MAP2K6: variants seen among roughly 807,000 people sequenced by gnomAD.
MAP2K6 encodes mitogen-activated protein kinase kinase 6, also known as dual specificity mitogen-activated protein kinase kinase 6.
A neutral mutation model predicts 53.7 loss-of-function variants in MAP2K6; 16 were observed. That is an observed-to-expected ratio of 0.30 (90% CI 0.20 to 0.45). MAP2K6 has a LOEUF of 0.45. MAP2K6 is among the 20% of genes least tolerant of loss of function. MAP2K6 has a pLI of 1.00. For missense variants in MAP2K6, 204 were observed against 411.9 expected (o/e 0.50, Z 4.37); for synonymous variants, 132 against 143.1 (o/e 0.92, Z 0.55).
intron 1 of MAP2K6, among the ~76,000 whole-genome samples, chr17:69,496,571 G>A (rs1178947408): frequency 3.9e-5 from 6 of 152,236 alleles, no homozygotes; most frequent in South Asian, 4.1e-4. Context: ...GTTTCACCAC[G>A]TTGGCCAGGC....
intron 2 of MAP2K6, among the ~76,000 whole-genome samples, chr17:69,508,374 A>C (rs1909637790): frequency 6.6e-6 from 1 of 152,012 alleles, no homozygotes; most frequent in Non-Finnish European, 1.5e-5. Flanking sequence ...GCCTATATGT[A>C]GTTTTAATTT....
intron 1 of MAP2K6, among the ~76,000 whole-genome samples, chr17:69,455,060 G>A (rs1275324413): frequency 6.6e-6 from 1 of 150,860 alleles, no homozygotes; most frequent in Non-Finnish European, 1.5e-5. Context: ...TGGTGGAGGG[G>A]AGGTAAGGGT....
chr17:69,507,525 C>T (rs1598297442), intron 2 of MAP2K6, among the ~76,000 whole-genome samples: 1 of 152,228 alleles, frequency 6.6e-6, no homozygotes, highest in South Asian at 2.1e-4. Flanking sequence ...AACCGCTAAT[C>T]TGTTCTCCTT....
At position 69,494,220 on chromosome 17, in the gene MAP2K6, A is replaced by C. The variant is rs1908858879; in HGVS notation, c.17-11560A>C. Among the ~76,000 whole-genome samples, 2 of 152,166 alleles carry C rather than the reference A, an allele frequency of 1.3e-5. No homozygotes were observed. Among genetic ancestry groups the C allele is most frequent in the Non-Finnish European group, 2.9e-5 (2 of 68,022 alleles). On this transcript the variant is annotated intron_variant, in intron 1 of 11. Coordinates refer to ENST00000590474, the MANE Select transcript of MAP2K6 (RefSeq NM_002758.4). This position sits in a 1 kb window ranked among gnomAD's most constrained non-coding sequence, Gnocchi z 4.2. ...AGGCAAAAAGAAATGGAGGGAGGTCAGGTGCAGTGGCTCACGCCTGTAATC... is the reference window on the plus strand; with the variant it reads ...AGGCAAAAAGAAATGGAGGGAGGTCCGGTGCAGTGGCTCACGCCTGTAATC...
intron 7 of MAP2K6, among the ~76,000 whole-genome samples, chr17:69,522,167 G>A (rs1026183670): frequency 5.9e-5 from 9 of 152,128 alleles, no homozygotes; most frequent in African/African-American, 2.2e-4. Flanking sequence ...TTGTGGTTTG[G>A]ATAATTCTTA....
At chr17:69,491,459 A>G (rs1040733327) in intron 1 of MAP2K6, among the ~76,000 whole-genome samples, 1 of 152,010 alleles carries the variant, frequency 6.6e-6, no homozygotes, top group Non-Finnish European at 1.5e-5. Context: ...TTTCTTATCC[A>G]GTCTATCATT....
intron 1 of MAP2K6, 52 bp from the exon 2 acceptor site, chr17:69,505,728 C>T: frequency 7.0e-7 from 1 of 1,421,428 alleles, no homozygotes; most frequent in Non-Finnish European, 9.9e-7. Flanking sequence ...TCTTTCTCTG[C>T]TATCTTGCTA....
In MAP2K6 at chr17:69,541,771, C is replaced by T. The variant is rs767555280; in HGVS notation, c.*18C>T. The stretch of plus-strand genomic sequence containing the variant: ...GAGACTAAAAAGCAGTGGACTTAAT[C>T]GGTTGACCCTACTGTGGATTGGTGG... On this transcript the variant is annotated 3_prime_UTR_variant, in exon 12 of 12. Coordinates refer to ENST00000590474, the MANE Select transcript of MAP2K6 (RefSeq NM_002758.4). The T allele has an allele frequency of 1.9e-5, 31 of 1,598,954 alleles. No individual in the cohort carries two copies. Among genetic ancestry groups the T allele is most frequent in the African/African-American group, 1.1e-4 (8 of 74,554 alleles).
intron 1 of MAP2K6, among the ~76,000 whole-genome samples, chr17:69,438,806 A>C (rs1906729237): frequency 6.6e-6 from 1 of 152,020 alleles, no homozygotes; most frequent in Non-Finnish European, 1.5e-5. Context: ...GCTGATATTG[A>C]ACTCCTCGGC....
Position 69,542,950 on chromosome 17 carries a change from G to T in MAP2K6, c.*1197G>T, listed in dbSNP as rs1230315795. The T allele has an allele frequency of 6.6e-6, 1 of 152,194 alleles. No homozygotes were observed. The highest frequency in any genetic ancestry group is 2.4e-5 in the African/African-American group (1 of 41,446). 9.4% of individuals were successfully genotyped at this position (152,194 alleles called of 1,614,324 possible). ...AAGGTTGAATTAATTCCTGGGCATG[G>T]ACTACCAGATGACCACAAGTTGCGT... is the stretch of plus-strand genomic sequence containing the variant. On this transcript the variant is annotated 3_prime_UTR_variant, in exon 12 of 12. Transcript: ENST00000590474.
At chr17:69,460,896 G>GCACCATACC (rs1907603869) in intron 1 of MAP2K6, among the ~76,000 whole-genome samples, 1 of 152,156 alleles carries the variant, frequency 6.6e-6, no homozygotes, top group Non-Finnish European at 1.5e-5. Context: ...CACCATACCT[G>GCACCATACC]GTTGGGGTGC....
chr17:69,526,689 T>C lies in MAP2K6; in HGVS notation c.861T>C (p.Phe287=). 3.1e-6 allele frequency: 5 copies of C among 1,613,692 alleles called. No homozygotes were observed. Among genetic ancestry groups the C allele is most frequent in the Middle Eastern group, 1.7e-4 (1 of 6,028 alleles). ...QLPADKFSAE[F]VDFTSQCLKK... is the part of the protein sequence containing the mutation. ...CAGCAGACAAGTTCTCTGCAGAGTT[T>C]GTTGACTTTACCTCACAGTGGTAAG... is the stretch of plus-strand genomic sequence containing the variant. Residue 287 remains phenylalanine, a synonymous_variant, in exon 10 of 12, where the codon TTT becomes TTC. Transcript: ENST00000590474.
chr17:69,425,927 C>T (rs1176736425), intron 1 of MAP2K6, among the ~76,000 whole-genome samples: 1 of 151,886 alleles, frequency 6.6e-6, no homozygotes, highest in Non-Finnish European at 1.5e-5. Flanking sequence ...GCAGTCTTCA[C>T]AGTTTATTTA....
At chr17:69,502,607 C>T (rs982244064) in intron 1 of MAP2K6, 19 of 984,998 alleles carry the variant, frequency 1.9e-5, no homozygotes, top group Non-Finnish European at 3.6e-6. Context: ...TGCAGATGTC[C>T]AACTTATATA....
chr17:69,502,532 G>A (rs1909221899), intron 1 of MAP2K6: 4 of 985,326 alleles, frequency 4.1e-6, no homozygotes, highest in Non-Finnish European at 4.8e-6. Flanking sequence ...TGTGTCTCCT[G>A]GATCTATTTT....
At chr17:69,540,034 T>C (rs969164322) in intron 11 of MAP2K6, among the ~76,000 whole-genome samples, 5 of 152,168 alleles carry the variant, frequency 3.3e-5, no homozygotes, top group African/African-American at 1.2e-4. Flanking sequence ...AAAATCTCTT[T>C]TCCATTTTCT....
chr17:69,448,439 G>T (rs1282163213), intron 1 of MAP2K6, among the ~76,000 whole-genome samples: 1 of 152,038 alleles, frequency 6.6e-6, no homozygotes, highest in Non-Finnish European at 1.5e-5. Flanking sequence ...AGGTTGCTAA[G>T]GTGCGGACCT....
chr17:69,505,890 T>C (rs1353216230), intron 2 of MAP2K6, 44 bp downstream of exon 2: 1 of 1,552,336 alleles, frequency 6.4e-7, no homozygotes, highest in Admixed American at 1.7e-5. Context: ...CCTTGTGCTT[T>C]CAGATTCCTC....
chr17:69,463,651 T>TACATACACATACATATATGTATATACAC (rs1907702884), intron 1 of MAP2K6, among the ~76,000 whole-genome samples: 4 of 150,522 alleles, frequency 2.7e-5, no homozygotes, highest in African/African-American at 9.7e-5. Flanking sequence ...TGTATATACA[T>TACATACACATACATATATGTATATACAC]ACATACACAT....
Sources: gnomAD v4.1 joint callset for allele counts (sites outside exome capture counted in the v4.1 genomes callset) on GRCh38, gnomAD v4.1.1 for gene constraint, Gnocchi (gnomAD v3.1) non-coding constraint, MANE v1.5 for transcripts, NCBI Gene and HGNC (gene_info 2026-07-23, HGNC 2026-07-21) for gene names.